EFNA1: variants seen among roughly 807,000 people sequenced by gnomAD.
EFNA1 encodes the protein ephrin-A1.
In EFNA1, 8 loss-of-function variants were observed where a neutral mutation model predicts 23.2. The observed-to-expected ratio is 0.34, with a 90% confidence interval of 0.20 to 0.62. The LOEUF (loss-of-function observed/expected upper bound fraction) is 0.62, where lower values mean the gene tolerates loss of function less well. Ranked by LOEUF, EFNA1 falls within the 20% of genes least tolerant of loss-of-function variation. The pLI, the probability that EFNA1 is intolerant of heterozygous loss-of-function variation, is 0.75. For synonymous variants in EFNA1, 89 were observed against 98.6 expected (o/e 0.90, Z 0.58); for missense variants, 217 against 260.0 (o/e 0.83, Z 1.14).
intron 2 of EFNA1, among the ~76,000 whole-genome samples, chr1:155,132,790 C>A (rs1026549397): frequency 6.6e-6 from 1 of 151,834 alleles, no homozygotes; most frequent in African/African-American, 2.4e-5. Context: ...GAGATCACAC[C>A]ATTGTACTCC....
rs1380511979 is a variant in EFNA1, at chr1:155,131,593, T to C, written c.347T>C (p.Leu116Pro). The change falls in exon 2 of 5, where the codon CTG becomes CCG. Residue 116 changes from leucine to proline, a missense_variant. Coordinates refer to ENST00000368407, the MANE Select transcript of EFNA1 (RefSeq NM_004428.3). ...TTCCAGCGCTTCACACCTTTCACCC[T>C]GGGCAAGGAGTTCAAAGAAGGACAC... ...EKFQRFTPFT[L>P]GKEFKEGHSY... is the part of the protein sequence containing the mutation. 6.2e-7 allele frequency: 1 copy of C among 1,613,648 alleles called. No individual in the cohort carries two copies. Among genetic ancestry groups the C allele is most frequent in the Non-Finnish European group, 8.5e-7 (1 of 1,179,664 alleles).
At chr1:155,128,355 C>T (rs1340645520) in intron 1 of EFNA1, among the ~76,000 whole-genome samples, 5 of 152,124 alleles carry the variant, frequency 3.3e-5, no homozygotes, top group African/African-American at 1.2e-4. Context: ...CTGCCTTCAG[C>T]ATAGACTTCG....
chr1:155,133,573 G>A lies in EFNA1; in HGVS notation c.454+5G>A. The A allele has an allele frequency of 6.2e-7, 1 of 1,613,842 alleles. No homozygotes were observed. Among genetic ancestry groups the A allele is most frequent in the South Asian group, 1.1e-5 (1 of 91,062 alleles). ...TGACTGTCAGTGGCAAAATCAGTGAGTGTCAGAGCCCTGTGGGCCTCCTTC... is the reference window on the plus strand; with the variant it reads ...TGACTGTCAGTGGCAAAATCAGTGAATGTCAGAGCCCTGTGGGCCTCCTTC... On this transcript the variant is annotated splice_donor_5th_base_variant and intron_variant, in intron 3 of 4. Transcript: ENST00000368407.
chr1:155,130,031 G>A (rs1386938889), intron 1 of EFNA1, among the ~76,000 whole-genome samples: 1 of 152,246 alleles, frequency 6.6e-6, no homozygotes, highest in Admixed American at 6.5e-5. Context: ...TCTCCAGAGA[G>A]GAATTTTAAA....
intron 3 of EFNA1, 71 bp from the exon 4 acceptor site, chr1:155,133,659 A>G: frequency 6.2e-7 from 1 of 1,608,406 alleles, no homozygotes; most frequent in South Asian, 1.1e-5. Flanking sequence ...CTTGCAGCCC[A>G]GCCCACTCAT....
At position 155,131,365 on chromosome 1, in the gene EFNA1, A is replaced by G. The variant is rs781427172; in HGVS notation, c.119A>G (p.His40Arg). The G allele has an allele frequency of 8.1e-6, 13 of 1,613,620 alleles. No homozygotes were observed. The South Asian group carries it at 1.3e-4, about 16-fold the overall frequency. ...TTCCGGAATGAGGACTACACCATACATGTGCAGCTGAATGACTACGTGGAC... is the reference window on the plus strand; with the variant it reads ...TTCCGGAATGAGGACTACACCATACGTGTGCAGCTGAATGACTACGTGGAC... ...PKFRNEDYTI[H>R]VQLNDYVDII... The change falls in exon 2 of 5, where the codon CAT (histidine) becomes CGT (arginine). Residue 40 changes from histidine to arginine, a missense_variant. Physicochemically the swap from His to Arg is conservative, Grantham distance 29 (BLOSUM62 0). Coordinates refer to ENST00000368407, the MANE Select transcript of EFNA1 (RefSeq NM_004428.3).
In EFNA1 at chr1:155,134,064, G is replaced by A. The variant is rs772625154; in HGVS notation, c.615G>A (p.Pro205=). The A allele has an allele frequency of 7.4e-6, 12 of 1,613,686 alleles. No individual in the cohort carries two copies. In the African/African-American group the frequency reaches 8.0e-5, roughly 11 times the overall value. ...TTCCACTTCTGCTGCTGCAAACCCC[G>A]TGAAGGTGTATGCCACACCTGGCCT... is the stretch of plus-strand genomic sequence containing the variant. ...LLLPLLLLQT[P] The change falls in exon 5 of 5, where the codon CCG becomes CCA. Residue 205 remains proline, a synonymous_variant. Coordinates refer to ENST00000368407, the MANE Select transcript of EFNA1 (RefSeq NM_004428.3).
chr1:155,134,411 A>C lies in EFNA1; in HGVS notation c.*344A>C, dbSNP rs746542928. On this transcript the variant is annotated 3_prime_UTR_variant, in exon 5 of 5. Coordinates refer to ENST00000368407, the MANE Select transcript of EFNA1 (RefSeq NM_004428.3). ...AGCTGAGCTGGAAGGGGCCACGTGGATGGGCAAAGCTTGTCAAAGATGCCC... is the reference window on the plus strand; with the variant it reads ...AGCTGAGCTGGAAGGGGCCACGTGGCTGGGCAAAGCTTGTCAAAGATGCCC... The C allele has an allele frequency of 3.0e-6, 1 of 333,376 alleles. No homozygotes were observed. Among genetic ancestry groups the C allele is most frequent in the Admixed American group, 4.4e-5 (1 of 22,878 alleles). 20.7% of individuals were successfully genotyped at this position (333,376 alleles called of 1,614,324 possible).
At chr1:155,130,887 A>G (rs952176685) in intron 1 of EFNA1, 8 of 985,290 alleles carry the variant, frequency 8.1e-6, no homozygotes, top group Non-Finnish European at 9.6e-6. Context: ...GGTAAAGAGA[A>G]AGGGTTTCCT....
At chr1:155,128,462 C>G (rs1189841542) in intron 1 of EFNA1, among the ~76,000 whole-genome samples, 1 of 152,022 alleles carries the variant, frequency 6.6e-6, no homozygotes, top group African/African-American at 2.4e-5. Flanking sequence ...TCTGACCACA[C>G]TGACAGATAC....
rs9297 is a variant in EFNA1 at position 155,134,074 on chromosome 1, A to G, written c.*7A>G. 0.43 allele frequency: 691,012 copies of G among 1,611,970 alleles called. 155,336 individuals are homozygous for G. Among genetic ancestry groups the G allele is most frequent in the East Asian group, 0.85 (38,164 of 44,808 alleles). ...GCTGCTGCAAACCCCGTGAAGGTGT[A>G]TGCCACACCTGGCCTTAAAGAGGGA... On this transcript the variant is annotated 3_prime_UTR_variant, in exon 5 of 5. Coordinates refer to ENST00000368407, the MANE Select transcript of EFNA1 (RefSeq NM_004428.3).
chr1:155,130,615 T>A (rs1664219542), intron 1 of EFNA1: 1 of 985,080 alleles, frequency 1.0e-6, no homozygotes, highest in Non-Finnish European at 1.2e-6. Flanking sequence ...AGGGTTGTTT[T>A]GGGGTGCTCT....
chr1:155,133,151 C>T (rs761389916), intron 2 of EFNA1, among the ~76,000 whole-genome samples: 3 of 152,018 alleles, frequency 2.0e-5, no homozygotes, highest in Non-Finnish European at 2.9e-5. Context: ...CCTCGTGATC[C>T]GCCCACCTCG....
chr1:155,131,413 A>T lies in EFNA1; in HGVS notation c.167A>T (p.Asp56Val). 4 of 1,614,202 alleles carry T rather than the reference A, an allele frequency of 2.5e-6. No homozygotes were observed. Among genetic ancestry groups the T allele is most frequent in the Non-Finnish European group, 3.4e-6 (4 of 1,180,032 alleles). ...GACATCATCTGTCCGCACTATGAAG[A>T]TCACTCTGTGGCAGACGCTGCCATG... is the stretch of plus-strand genomic sequence containing the variant. Reference protein sequence around the residue: ...YVDIICPHYEDHSVADAAMEQ... With the variant: ...YVDIICPHYEVHSVADAAMEQ... The change falls in exon 2 of 5, where the codon GAT becomes GTT. Residue 56 changes from aspartate (D) to valine (V), a missense_variant. By Grantham distance (152) the Asp-to-Val change is radical. Transcript: ENST00000368407.
At chr1:155,132,555 T>C (rs1664263840) in intron 2 of EFNA1, among the ~76,000 whole-genome samples, 1 of 150,924 alleles carries the variant, frequency 6.6e-6, no homozygotes, top group Non-Finnish European at 1.5e-5. Flanking sequence ...GCCTGATGGA[T>C]TTTAAAAGTT....
At position 155,128,019 on chromosome 1, in the gene EFNA1, T is replaced by C. The variant is rs1571682329; in HGVS notation, c.42T>C (p.Ser14=). 6.2e-7 allele frequency: 1 copy of C among 1,613,702 alleles called. No homozygotes were observed. The highest frequency in any genetic ancestry group is 8.5e-7 in the Non-Finnish European group (1 of 1,179,984). ...CCCCTCTCTTGGGTCTGTGCTGCAG[T>C]CTGGCCGCTGCTGATCGCCACACCG... The part of the protein sequence containing the change: ...LWAPLLGLCC[S]LAAADRHTVF... The change falls in exon 1 of 5, where the codon AGT becomes AGC. Residue 14 remains serine, a synonymous_variant. Coordinates refer to ENST00000368407, the MANE Select transcript of EFNA1 (RefSeq NM_004428.3).
chr1:155,128,862 C>T (rs1197187752), intron 1 of EFNA1, among the ~76,000 whole-genome samples: 1 of 152,092 alleles, frequency 6.6e-6, no homozygotes, highest in Admixed American at 6.5e-5. Context: ...TTTGTTCTTG[C>T]CCTTGAGTTT....
At chr1:155,129,401 G>A (rs1219492155) in intron 1 of EFNA1, among the ~76,000 whole-genome samples, 2 of 151,928 alleles carry the variant, frequency 1.3e-5, no homozygotes, top group Admixed American at 6.6e-5. Context: ...CCACCTCCCC[G>A]CCTTCCCTGA....
In EFNA1 at chr1:155,133,541, T is replaced by G. The variant is rs750972580; in HGVS notation, c.427T>G (p.Leu143Val). 4 of 1,613,982 alleles carry G rather than the reference T, an allele frequency of 2.5e-6. No homozygotes were observed. In the South Asian group the frequency reaches 4.4e-5, roughly 18 times the overall value. ...CCAGCATGAAGACCGCTGCTTGAGG[T>G]TGAAGGTGACTGTCAGTGGCAAAAT... ...IHQHEDRCLR[L>V]KVTVSGKITH... The change falls in exon 3 of 5, where the codon TTG (leucine) becomes GTG (valine). Residue 143 changes from leucine (L) to valine (V), a missense_variant. Coordinates refer to ENST00000368407, the MANE Select transcript of EFNA1 (RefSeq NM_004428.3).
Sources: gnomAD v4.1 joint callset for allele counts (sites outside exome capture counted in the v4.1 genomes callset) on GRCh38, gnomAD v4.1.1 for gene constraint, MANE v1.5 for transcripts, NCBI Gene and HGNC (gene_info 2026-07-23, HGNC 2026-07-21) for gene names.